CLSTN2: variants seen among roughly 807,000 people sequenced by gnomAD.
CLSTN2 encodes calsyntenin 2.
Under a neutral mutation model 101.2 loss-of-function variants are expected in CLSTN2, and 48 were observed. That is an observed-to-expected ratio of 0.47 (90% CI 0.38 to 0.60). The LOEUF (loss-of-function observed/expected upper bound fraction) is 0.60, where lower values mean the gene tolerates loss of function less well. Ranked by LOEUF, CLSTN2 falls within the 20% of genes least tolerant of loss-of-function variation. The pLI is 0.00. For synonymous variants in CLSTN2, 481 were observed against 463.6 expected, an observed-to-expected ratio of 1.04 and a Z score of -0.48; for missense variants, 1,160 against 1,238.2, an observed-to-expected ratio of 0.94 and a Z score of 0.95.
In CLSTN2 at chr3:139,935,455, C is replaced by G; in HGVS notation, c.81C>G (p.Ser27Arg). The change falls in exon 1 of 17, where the codon AGC (serine) becomes AGG (arginine). Residue 27 changes from serine to arginine, a missense_variant. Coordinates refer to ENST00000458420, the MANE Select transcript of CLSTN2 (RefSeq NM_022131.3). The surrounding 1 kb of genome is among the most constrained non-coding windows in gnomAD (Gnocchi z 5.5). ...GCGGCAGCGGCGGTGGCGGGGACAG[C>G]CGGCAGCGCCGCCTCCTCGCGGCTA... ...VGSGSGGGGD[S>R]RQRRLLAAKV... The G allele has an allele frequency of 8.1e-7, 1 of 1,231,114 alleles. No individual in the cohort carries two copies. 76.3% of individuals were successfully genotyped at this position (1,231,114 alleles called of 1,614,324 possible).
chr3:140,106,553 A>G (rs1014733314), intron 1 of CLSTN2, among the ~76,000 whole-genome samples: 5 of 152,210 alleles, frequency 3.3e-5, no homozygotes, highest in African/African-American at 4.8e-5. Context: ...ACAGCTTCAC[A>G]CTGACTACTT....
chr3:140,230,206 T>A (rs2086358063), intron 2 of CLSTN2, among the ~76,000 whole-genome samples: 2 of 152,132 alleles, frequency 1.3e-5, no homozygotes, highest in African/African-American at 4.8e-5. Flanking sequence ...TGCTGATGTA[T>A]GGGACATTAC....
chr3:140,368,320 T>A (rs2087816109), intron 2 of CLSTN2, among the ~76,000 whole-genome samples: 1 of 152,152 alleles, frequency 6.6e-6, no homozygotes, highest in South Asian at 2.1e-4. Context: ...CCCTCTGGCT[T>A]CCAGTTGCTT....
chr3:140,294,205 A>C (rs2086981856), intron 2 of CLSTN2, among the ~76,000 whole-genome samples: 1 of 152,346 alleles, frequency 6.6e-6, no homozygotes, highest in African/African-American at 2.4e-5. Context: ...TGCGAGCCTC[A>C]GCTTGTCAAG....
chr3:140,229,490 C>A (rs1201842847), intron 2 of CLSTN2, among the ~76,000 whole-genome samples: 1 of 151,874 alleles, frequency 6.6e-6, no homozygotes, highest in African/African-American at 2.4e-5. Context: ...TGCTTCCCAC[C>A]CTCCTTTTCC....
intron 1 of CLSTN2, among the ~76,000 whole-genome samples, chr3:140,070,702 G>A (rs777587959): frequency 1.4e-4 from 21 of 152,040 alleles, no homozygotes; most frequent in Admixed American, 7.2e-4. Context: ...TTTTCTTGGT[G>A]GGAAGAGTTT....
chr3:140,316,441 C>T (rs777380820), intron 2 of CLSTN2, among the ~76,000 whole-genome samples: 8 of 152,164 alleles, frequency 5.3e-5, no homozygotes, highest in Non-Finnish European at 8.8e-5. Flanking sequence ...CAAGTAGGCA[C>T]CTGCTAAACA....
At chr3:140,532,206 C>A in intron 8 of CLSTN2, 118 bp from the exon 9 acceptor site, 1 of 687,812 alleles carries the variant, frequency 1.5e-6, no homozygotes, top group Non-Finnish European at 2.3e-6. Flanking sequence ...TCCTTGAGTG[C>A]TTTGCAATAA....
intron 1 of CLSTN2, among the ~76,000 whole-genome samples, chr3:140,074,325 C>G (rs2008450055): frequency 6.6e-6 from 1 of 152,136 alleles, no homozygotes; most frequent in African/African-American, 2.4e-5. Context: ...GACAGAGGGC[C>G]CGGTTTGGCA....
At chr3:139,997,975 T>C (rs1039764848) in intron 1 of CLSTN2, among the ~76,000 whole-genome samples, 2 of 152,208 alleles carry the variant, frequency 1.3e-5, no homozygotes, top group African/African-American at 4.8e-5. Context: ...ATAGGGCACA[T>C]GTTTAGACTA....
intron 2 of CLSTN2, among the ~76,000 whole-genome samples, chr3:140,385,715 G>T (rs1404987887): frequency 1.3e-5 from 2 of 152,018 alleles, no homozygotes; most frequent in Non-Finnish European, 2.9e-5. Context: ...TTCAGAGCGG[G>T]GCTTCTCTCT....
chr3:140,086,105 G>A (rs2008676407), intron 1 of CLSTN2, among the ~76,000 whole-genome samples: 2 of 152,128 alleles, frequency 1.3e-5, no homozygotes, highest in South Asian at 4.1e-4. Flanking sequence ...TGAATATTTG[G>A]ACATATTATG....
At chr3:140,394,009 G>T (rs1429467420) in intron 2 of CLSTN2, among the ~76,000 whole-genome samples, 2 of 152,140 alleles carry the variant, frequency 1.3e-5, no homozygotes, top group Non-Finnish European at 2.9e-5. Context: ...CAGCAGGAGG[G>T]CTGGGAGTCT....
intron 1 of CLSTN2, among the ~76,000 whole-genome samples, chr3:140,036,688 C>T (rs568144270): frequency 5.7e-4 from 87 of 151,896 alleles, no homozygotes; most frequent in Non-Finnish European, 9.3e-4. Flanking sequence ...CCCACCCATC[C>T]CTGTTGTTCT....
intron 8 of CLSTN2, among the ~76,000 whole-genome samples, chr3:140,470,375 C>T (rs1933813172): frequency 6.6e-6 from 1 of 152,176 alleles, no homozygotes; most frequent in South Asian, 2.1e-4. Flanking sequence ...GCAGGGGCAC[C>T]TGGGGCTGAA....
At chr3:140,247,214 C>A (rs138835225) in intron 2 of CLSTN2, among the ~76,000 whole-genome samples, 4 of 152,300 alleles carry the variant, frequency 2.6e-5, no homozygotes, top group African/African-American at 9.6e-5. Context: ...GTTTCTAACT[C>A]TGTGTCTCTT....
chr3:140,285,806 G>C (rs1198688128), intron 2 of CLSTN2, among the ~76,000 whole-genome samples: 1 of 152,144 alleles, frequency 6.6e-6, no homozygotes, highest in South Asian at 2.1e-4. Context: ...GAATCACCCT[G>C]ATTTGCCCAG....
At chr3:140,236,004 C>T (rs1422056841) in intron 2 of CLSTN2, among the ~76,000 whole-genome samples, 1 of 152,070 alleles carries the variant, frequency 6.6e-6, no homozygotes, top group Non-Finnish European at 1.5e-5. Context: ...TGAGTTCCTG[C>T]CTGCAACTCA....
intron 2 of CLSTN2, among the ~76,000 whole-genome samples, chr3:140,346,808 A>C (rs370451705): frequency 7.9e-5 from 12 of 152,172 alleles, no homozygotes; most frequent in African/African-American, 2.9e-4. Flanking sequence ...GGAATGGATA[A>C]AGAGGGAAGT....
Sources: gnomAD v4.1 joint callset for allele counts (sites outside exome capture counted in the v4.1 genomes callset) on GRCh38, gnomAD v4.1.1 for gene constraint, Gnocchi (gnomAD v3.1) non-coding constraint, MANE v1.5 for transcripts, NCBI Gene and HGNC (gene_info 2026-07-23, HGNC 2026-07-21) for gene names.